Variants in FANCB observed in about 807,000 individuals in gnomAD.
FANCB encodes the protein Fanconi anemia group B protein.
Under a neutral mutation model 38.9 loss-of-function variants are expected in FANCB, and 5 were observed. That is an observed-to-expected ratio of 0.13 (90% confidence interval 0.07 to 0.27). FANCB has a LOEUF of 0.27. Among genes scored for constraint, FANCB ranks in the 10% least tolerant of loss-of-function variants. The pLI, the probability that FANCB is intolerant of heterozygous loss-of-function variation, is 1.00. For synonymous variants in FANCB, 236 were observed against 215.4 expected (o/e 1.10, Z -0.84); for missense variants, 573 against 602.7 (o/e 0.95, Z 0.52).
the FANCB span, among the ~76,000 whole-genome samples, chrX:14,825,239 G>A: frequency 9.0e-6 from 1 of 111,581 alleles, no homozygotes; most frequent in Admixed American, 9.6e-5. Context: ...TCTCTGGGTT[G>A]ATGTCGTTCA....
downstream of FANCB, chrX:14,834,827 A>G: frequency 1.8e-6 from 1 of 560,366 alleles, no homozygotes; most frequent in Non-Finnish European, 3.1e-6. Context: ...CATCATCATC[A>G]TCATCATCTT....
the FANCB span, among the ~76,000 whole-genome samples, chrX:14,699,628 C>A: frequency 8.9e-6 from 1 of 111,794 alleles, no homozygotes; most frequent in Non-Finnish European, 1.9e-5. Context: ...TTATCATTAA[C>A]GATTTTCACC....
At position 14,864,441 on chromosome X, in the gene FANCB, A is replaced by T. The variant is rs989079741; in HGVS notation, c.951+119T>A. ...AGAACAATGTAATATTTATCATTTC[A>T]TGTACAGAACTGAAAATTGACTTAG... On this transcript the variant is annotated intron_variant, in intron 3 of 9. Transcript: ENST00000650831. 3 of 522,940 alleles carry T rather than the reference A, an allele frequency of 5.7e-6. No homozygotes were observed. The African/African-American group carries it at 7.0e-5, about 12-fold the overall frequency. 43.1% of individuals were successfully genotyped at this position (522,940 alleles called of 1,213,427 possible).
the FANCB span, among the ~76,000 whole-genome samples, chrX:14,690,232 C>T: frequency 1.8e-5 from 2 of 111,600 alleles, no homozygotes; most frequent in African/African-American, 3.3e-5. Flanking sequence ...TGAATAATAG[C>T]ACCCATCTAT....
At chrX:14,700,083 C>G in the FANCB span, among the ~76,000 whole-genome samples, 1 of 111,033 alleles carries the variant, frequency 9.0e-6, no homozygotes, top group African/African-American at 3.3e-5. Context: ...ACAACAGACC[C>G]CCAGTTACAG....
chrX:14,716,609 A>G, the FANCB span, among the ~76,000 whole-genome samples: 1 of 111,118 alleles, frequency 9.0e-6, no homozygotes, highest in African/African-American at 3.3e-5. Context: ...TACAAACACA[A>G]TTATTGAGTA....
At chrX:14,707,536 A>T in the FANCB span, among the ~76,000 whole-genome samples, 7 of 109,091 alleles carry the variant, frequency 6.4e-5, no homozygotes, top group African/African-American at 2.3e-4. Context: ...TGAGCTTAGA[A>T]CCTGATAGGT....
chrX:14,767,110 G>A, the FANCB span, among the ~76,000 whole-genome samples: 25 of 111,911 alleles, frequency 2.2e-4, no homozygotes, highest in African/African-American at 8.1e-4. Context: ...TTGGGTTGAT[G>A]CCATGTCTTT....
rs138395179 is a variant in FANCB, at chrX:14,837,053, A to G, written c.*1567-798T>C. On this transcript the variant is annotated intron_variant and NMD_transcript_variant, in intron 10 of 10. Transcript: ENST00000643728. The stretch of plus-strand genomic sequence containing the variant: ...CTCTATAGACACATGATTGAATAAA[A>G]GATCTCTATATTCCCTTCTACTTTG... Among the ~76,000 whole-genome samples, 350 of 112,697 alleles carry G rather than the reference A, an allele frequency of 3.1e-3. 1 individual carries two copies. Among genetic ancestry groups the G allele is most frequent in the African/African-American group, 0.01 (317 of 31,061 alleles).
chrX:14,812,496 C>A, the FANCB span, among the ~76,000 whole-genome samples: 1 of 111,344 alleles, frequency 9.0e-6, no homozygotes, highest in African/African-American at 3.3e-5. Context: ...ACCACTGATC[C>A]CACAGAAATA....
chrX:14,747,856 G>C, the FANCB span, among the ~76,000 whole-genome samples: 239 of 112,146 alleles, frequency 2.1e-3, 3 homozygotes, highest in Non-Finnish European at 2.3e-3. Context: ...GTTTGGGGTT[G>C]ATTTGTAATG....
chrX:14,847,688 T>A (rs1455463795), intron 7 of FANCB, among the ~76,000 whole-genome samples: 1 of 108,703 alleles, frequency 9.2e-6, no homozygotes, highest in Non-Finnish European at 1.9e-5. Context: ...AATCATGTCA[T>A]TGTCAAATAT....
chrX:14,808,156 C>A, the FANCB span, among the ~76,000 whole-genome samples: 1 of 111,873 alleles, frequency 8.9e-6, no homozygotes, highest in Admixed American at 9.5e-5. Context: ...GCTAATCAAT[C>A]CTACTAGAAC....
rs1229152411 is a variant in FANCB, at chrX:14,864,629, T to G, written c.882A>C (p.Gly294=). 1 of 1,206,912 alleles carries G rather than the reference T, an allele frequency of 8.3e-7. No individual in the cohort carries two copies. Among genetic ancestry groups the G allele is most frequent in the African/African-American group, 1.7e-5 (1 of 57,313 alleles). ...AGGATACAACGAAAAAGAGGTTTCC[T>G]CCACCTGAATCCATAAGTTGAACTG... ...PCAVQLMDSG[G]GNLFFVVSFI... is the part of the protein sequence containing the mutation. The change falls in exon 3 of 10, where the codon GGA becomes GGC. Residue 294 remains glycine (G), a synonymous_variant. Coordinates refer to ENST00000650831, the MANE Select transcript of FANCB (RefSeq NM_001018113.3).
chrX:14,816,837 C>G, the FANCB span, among the ~76,000 whole-genome samples: 1 of 111,880 alleles, frequency 8.9e-6, no homozygotes, highest in East Asian at 2.8e-4. Context: ...GAAAGAAACA[C>G]CTTCTCCTAG....
chrX:14,802,875 G>A, the FANCB span, among the ~76,000 whole-genome samples: 4 of 111,666 alleles, frequency 3.6e-5, no homozygotes, highest in East Asian at 1.1e-3. Flanking sequence ...AGGTGAATTA[G>A]GATGTTGGAC....
the FANCB span, among the ~76,000 whole-genome samples, chrX:14,702,601 A>C: frequency 2.7e-5 from 3 of 111,618 alleles, no homozygotes; most frequent in Non-Finnish European, 5.6e-5. Context: ...TTGCTGTAAC[A>C]AATCACTACA....
At chrX:14,777,942 T>G in the FANCB span, among the ~76,000 whole-genome samples, 4 of 112,137 alleles carry the variant, frequency 3.6e-5, no homozygotes, top group Non-Finnish European at 5.6e-5. Flanking sequence ...CTCTAAGACC[T>G]ACATGTTGCT....
the FANCB span, among the ~76,000 whole-genome samples, chrX:14,768,047 T>G: frequency 8.9e-6 from 1 of 111,913 alleles, no homozygotes; most frequent in Non-Finnish European, 1.9e-5. Flanking sequence ...TATATGTCTG[T>G]TCTTATACCA....
Sources: gnomAD v4.1 joint callset for allele counts (sites outside exome capture counted in the v4.1 genomes callset) on GRCh38, gnomAD v4.1.1 for gene constraint, MANE v1.5 for transcripts, NCBI Gene and HGNC (gene_info 2026-07-23, HGNC 2026-07-21) for gene names.